The following NRG3 variants were observed in gnomAD, a reference collection of about 807,000 sequenced individuals.
NRG3 encodes pro-neuregulin-3, membrane-bound isoform.
A neutral mutation model predicts 66.9 loss-of-function variants in NRG3; 31 were observed. The observed-to-expected ratio is 0.46, with a 90% CI of 0.35 to 0.63. The LOEUF is 0.63. Among genes scored for constraint, NRG3 ranks in the 20% least tolerant of loss-of-function variants. NRG3 has a pLI of 0.00. For synonymous variants in NRG3, 393 were observed against 359.4 expected, an observed-to-expected ratio of 1.09 and a Z score of -1.06; for missense variants, 910 against 878.9, an observed-to-expected ratio of 1.04 and a Z score of -0.45.
chr10:82,012,578 T>A (rs2061625229), intron 1 of NRG3, among the ~76,000 whole-genome samples: 1 of 152,220 alleles, frequency 6.6e-6, no homozygotes, highest in Admixed American at 6.5e-5. Context: ...TCTACTTCCC[T>A]TTTAAACATA....
At chr10:82,474,679 G>T (rs945500342) in intron 2 of NRG3, among the ~76,000 whole-genome samples, 1 of 152,072 alleles carries the variant, frequency 6.6e-6, no homozygotes, top group Non-Finnish European at 1.5e-5. Context: ...AGAGAAGCAG[G>T]AGAGAAAGAG....
chr10:82,501,092 G>A (rs1437785779), intron 2 of NRG3, among the ~76,000 whole-genome samples: 1 of 152,144 alleles, frequency 6.6e-6, no homozygotes, highest in East Asian at 1.9e-4. Context: ...GGGCTTGGTT[G>A]TAGGCTATTG....
chr10:82,053,782 A>G (rs1308075859), intron 1 of NRG3, among the ~76,000 whole-genome samples: 1 of 152,222 alleles, frequency 6.6e-6, no homozygotes, highest in African/African-American at 2.4e-5. Context: ...GCCTGGAAGA[A>G]GTGCAGGGAG....
intron 2 of NRG3, among the ~76,000 whole-genome samples, chr10:82,682,212 G>C (rs2054153625): frequency 6.6e-6 from 1 of 152,144 alleles, no homozygotes; most frequent in Admixed American, 6.5e-5. Context: ...TGTTTATCAG[G>C]TACCCTTAGA....
chr10:82,669,874 G>T (rs1283484398), intron 2 of NRG3, among the ~76,000 whole-genome samples: 1 of 151,422 alleles, frequency 6.6e-6, no homozygotes, highest in African/African-American at 2.4e-5. Flanking sequence ...CTTGCAGTGA[G>T]CCGAGATCGC....
At chr10:82,635,007 T>C (rs1456254597) in intron 2 of NRG3, among the ~76,000 whole-genome samples, 2 of 152,174 alleles carry the variant, frequency 1.3e-5, no homozygotes, top group African/African-American at 4.8e-5. Context: ...AACCTTCTTC[T>C]TAACAATTAA....
At chr10:82,580,311 CCAAATA>C (rs1375632733) in intron 2 of NRG3, among the ~76,000 whole-genome samples, 1 of 151,654 alleles carries the variant, frequency 6.6e-6, no homozygotes, top group African/African-American at 2.4e-5. Context: ...AAAGTTGAGC[CCAAATA>C]CAGAGTTCCT....
chr10:81,893,308 A>T (rs1394226216), intron 1 of NRG3, among the ~76,000 whole-genome samples: 2 of 152,166 alleles, frequency 1.3e-5, no homozygotes, highest in African/African-American at 4.8e-5. Flanking sequence ...CTATAACCCT[A>T]TATTTAATGG....
At chr10:82,696,437 G>T (rs765265867) in intron 2 of NRG3, among the ~76,000 whole-genome samples, 2 of 152,060 alleles carry the variant, frequency 1.3e-5, no homozygotes, top group Non-Finnish European at 2.9e-5. Context: ...TTAGGAAATA[G>T]GACAAGAGTG....
intron 3 of NRG3, among the ~76,000 whole-genome samples, chr10:82,836,491 A>T (rs1376647438): frequency 6.6e-6 from 1 of 152,126 alleles, no homozygotes; most frequent in African/African-American, 2.4e-5. Context: ...TAAATTTTCA[A>T]CTCGGCTGTC....
At chr10:82,443,984 T>C (rs1369129412) in intron 2 of NRG3, among the ~76,000 whole-genome samples, 1 of 152,208 alleles carries the variant, frequency 6.6e-6, no homozygotes, top group Non-Finnish European at 1.5e-5. Context: ...ATTTGCACTT[T>C]TCTATATCAA....
chr10:82,395,534 T>A (rs560911124), intron 2 of NRG3, among the ~76,000 whole-genome samples: 2 of 152,216 alleles, frequency 1.3e-5, no homozygotes, highest in Non-Finnish European at 2.9e-5. Context: ...TATGGACTTA[T>A]AGTTTATCTG....
At chr10:82,579,598 G>T (rs935358527) in intron 2 of NRG3, among the ~76,000 whole-genome samples, 3 of 151,988 alleles carry the variant, frequency 2.0e-5, no homozygotes, top group Non-Finnish European at 2.9e-5. Flanking sequence ...GTGAGTGTGT[G>T]TGTCTGTGTG....
chr10:82,896,131 CA>C (rs1382268279), intron 4 of NRG3, among the ~76,000 whole-genome samples: 12 of 152,256 alleles, frequency 7.9e-5, no homozygotes, highest in African/African-American at 2.6e-4. Context: ...TTTGCAAGTA[CA>C]GTTTACATGA....
chr10:82,181,821 G>A (rs2073440324), intron 1 of NRG3, among the ~76,000 whole-genome samples: 1 of 151,764 alleles, frequency 6.6e-6, no homozygotes, highest in Admixed American at 6.6e-5. Flanking sequence ...TCTTCTGTCT[G>A]AATGTTCTGG....
intron 3 of NRG3, among the ~76,000 whole-genome samples, chr10:82,779,618 CT>C (rs775184575): frequency 6.6e-6 from 1 of 152,078 alleles, no homozygotes; most frequent in Non-Finnish European, 1.5e-5. Flanking sequence ...CATATTTTTT[CT>C]GCTAAGTTCC....
chr10:82,763,412 A>G (rs1211394065), intron 3 of NRG3, among the ~76,000 whole-genome samples: 2 of 152,216 alleles, frequency 1.3e-5, no homozygotes, highest in Non-Finnish European at 2.9e-5. Context: ...ATAATTATCT[A>G]AAATAAATTG....
chr10:82,474,015 T>A (rs1841526449), intron 2 of NRG3, among the ~76,000 whole-genome samples: 1 of 151,920 alleles, frequency 6.6e-6, no homozygotes, highest in African/African-American at 2.4e-5. Flanking sequence ...GGGGAAAAAA[T>A]GATGCATTCA....
intron 2 of NRG3, among the ~76,000 whole-genome samples, chr10:82,494,910 G>A (rs549221212): frequency 6.6e-6 from 1 of 151,724 alleles, no homozygotes; most frequent in East Asian, 1.9e-4. Context: ...ATCAGACACC[G>A]TGATAGGCTG....
Sources: allele counts gnomAD v4.1 joint callset (sites outside exome capture counted in the v4.1 genomes callset), GRCh38; gene constraint gnomAD v4.1.1; transcripts MANE v1.5; gene names NCBI Gene and HGNC (gene_info 2026-07-23, HGNC 2026-07-21).